The following MIA3 variants were observed in gnomAD, a reference collection of about 807,000 sequenced individuals.
The protein encoded by MIA3 is transport and Golgi organization protein 1 homolog.
Under a neutral mutation model 192.4 loss-of-function variants are expected in MIA3, and 90 were observed. The observed-to-expected ratio is 0.47, with a 90% confidence interval of 0.39 to 0.56. The LOEUF is 0.56. MIA3 is among the 20% of genes least tolerant of loss of function. The pLI, the probability that MIA3 is intolerant of heterozygous loss-of-function variation, is 0.00. For missense variants in MIA3, 2,123 were observed against 2,269.4 expected, an observed-to-expected ratio of 0.94 and a Z score of 1.31; for synonymous variants, 740 against 792.8, an observed-to-expected ratio of 0.93 and a Z score of 1.12.
chr1:222,667,266 G>T lies in MIA3; in HGVS notation c.*1647G>T, dbSNP rs1326843438. ...TATATGTCCTCCCGTTTAATATCAA[G>T]AATAGAAGAAATTAAGAGGAAAACT... On this transcript the variant is annotated 3_prime_UTR_variant, in exon 28 of 28. Transcript: ENST00000344922. The T allele has an allele frequency of 2.0e-5, 3 of 152,122 alleles. No individual in the cohort carries two copies. The highest frequency in any genetic ancestry group is 4.4e-5 in the Non-Finnish European group (3 of 68,000). 9.4% of individuals were successfully genotyped at this position (152,122 alleles called of 1,614,324 possible). A position where few individuals can be genotyped will look rare whatever the true frequency, so the allele number is the denominator to read the frequency against.
At chr1:222,621,989 T>A (rs1231627860) in intron 2 of MIA3, among the ~76,000 whole-genome samples, 1 of 152,136 alleles carries the variant, frequency 6.6e-6, no homozygotes, top group Non-Finnish European at 1.5e-5. Flanking sequence ...TGTATTTTTT[T>A]AGTAGAGACG....
At position 222,628,146 on chromosome 1, in the gene MIA3, C is replaced by T. The variant is rs1662206174; in HGVS notation, c.926C>T (p.Thr309Ile). ...GATGATTTTGATGAGGAATTGGATA[C>T]TGAGTATTATGCAGTTGGAAAGGAA... is the stretch of plus-strand genomic sequence containing the variant. ...LEDDFDEELD[T>I]EYYAVGKEDE... Residue 309 changes from threonine to isoleucine, a missense_variant, in exon 4 of 28, where the codon ACT becomes ATT. Transcript: ENST00000344922. The T allele has an allele frequency of 1.2e-6, 2 of 1,613,852 alleles. No homozygotes were observed. Among genetic ancestry groups the T allele is most frequent in the Non-Finnish European group, 1.7e-6 (2 of 1,179,988 alleles).
In MIA3 at chr1:222,667,357, G is replaced by T. The variant is rs552044345; in HGVS notation, c.*1738G>T. ...AGATTAAGTCACAAATACAACTTTT[G>T]AATTTACCTGTCAATATCTCTTTAG... On this transcript the variant is annotated 3_prime_UTR_variant, in exon 28 of 28. Transcript: ENST00000344922. The T allele has an allele frequency of 3.3e-5, 5 of 152,226 alleles. No homozygotes were observed. In the East Asian group the frequency reaches 9.6e-4, roughly 29 times the overall value. 9.4% of individuals were successfully genotyped at this position (152,226 alleles called of 1,614,324 possible).
intron 6 of MIA3, chr1:222,644,481 C>A (rs1422543608): frequency 2.6e-6 from 4 of 1,550,586 alleles, no homozygotes; most frequent in Non-Finnish European, 3.5e-6. Context: ...ACACAATGGA[C>A]TCAGTACCTG....
In MIA3 at chr1:222,662,131, G is replaced by C. The variant is rs1410767845; in HGVS notation, c.5182+7G>C. 6.2e-7 allele frequency: 1 copy of C among 1,613,688 alleles called. No individual in the cohort carries two copies. The highest frequency in any genetic ancestry group is 1.7e-5 in the Admixed American group (1 of 59,976). Reference sequence around the variant, plus strand: ...GGGAAACCCTCTCCTTCTGGTAAGGGAGCAAGAGTGTTCAAAGAGTCTAAA... The same window carrying C: ...GGGAAACCCTCTCCTTCTGGTAAGGCAGCAAGAGTGTTCAAAGAGTCTAAA... On this transcript the variant is annotated splice_region_variant and intron_variant, in intron 25 of 27. Coordinates refer to ENST00000344922, the MANE Select transcript of MIA3 (RefSeq NM_198551.4).
rs1233689303 is a variant in MIA3 at position 222,628,714 on chromosome 1, T to A, written c.1494T>A (p.Ser498=). The change falls in exon 4 of 28, where the codon TCT becomes TCA. Residue 498 remains serine, a synonymous_variant. Transcript: ENST00000344922. ...ENQEGMTVHS[S]VHSNNLNSMP... is the part of the protein sequence containing the mutation. Reference sequence around the variant, plus strand: ...AAGAAGGCATGACTGTGCACAGTTCTGTTCACAGCAATAACCTCAACTCTA... The same window carrying A: ...AAGAAGGCATGACTGTGCACAGTTCAGTTCACAGCAATAACCTCAACTCTA... 1 of 1,614,142 alleles carries A rather than the reference T, an allele frequency of 6.2e-7. No homozygotes were observed. Among genetic ancestry groups the A allele is most frequent in the East Asian group, 2.2e-5 (1 of 44,880 alleles).
intron 7 of MIA3, 110 bp from the exon 8 acceptor site, chr1:222,648,719 A>C: frequency 1.4e-6 from 1 of 724,040 alleles, no homozygotes; most frequent in Non-Finnish European, 2.4e-6. Flanking sequence ...GCTAAACCAA[A>C]GTTTTATTAA....
intron 7 of MIA3, chr1:222,647,839 T>C (rs1663224978): frequency 6.0e-6 from 2 of 334,684 alleles, no homozygotes; most frequent in African/African-American, 4.3e-5. Flanking sequence ...TCTTTCCATG[T>C]TGGAATTTTC....
chr1:222,636,775 G>A (rs944771699), intron 6 of MIA3, among the ~76,000 whole-genome samples: 2 of 152,118 alleles, frequency 1.3e-5, no homozygotes, highest in Admixed American at 1.3e-4. Context: ...GCCTTCCAAA[G>A]TGCTGGGATT....
chr1:222,637,970 C>T lies in MIA3; in HGVS notation c.3477+4721C>T, dbSNP rs547428215. On this transcript the variant is annotated intron_variant, in intron 6 of 27. Transcript: ENST00000344922. ...GTGTTGGGATTACAGACATGAGCCA[C>T]CATGCCTGGCCAGTTATTCTTATTG... is the stretch of plus-strand genomic sequence containing the variant. 3.7e-3 allele frequency among the ~76,000 whole-genome samples: 562 copies of T among 152,186 alleles called. 3 individuals carry two copies. The highest frequency in any genetic ancestry group is 6.8e-3 in the Middle Eastern group (2 of 294).
At chr1:222,624,518 C>G (rs1233084518) in intron 2 of MIA3, among the ~76,000 whole-genome samples, 1 of 152,132 alleles carries the variant, frequency 6.6e-6, no homozygotes, top group East Asian at 1.9e-4. Context: ...AAAAAGTGAT[C>G]TCTTGTGGTT....
Position 222,618,119 on chromosome 1 carries a change from G to C in MIA3, c.9G>C (p.Ala3=), listed in dbSNP as rs545499200. ...CCCGAGGTGACCACAACATGGCTGC[G>C]GCGCCTGGGCTGCTCGTCTGGCTGC... MA[A]APGLLVWLLV... Residue 3 remains alanine (A), a synonymous_variant, in exon 1 of 28, where the codon GCG becomes GCC. Transcript: ENST00000344922. 2 of 1,487,664 alleles carry C rather than the reference G, an allele frequency of 1.3e-6. No homozygotes were observed. The highest frequency in any genetic ancestry group is 2.5e-5 in the South Asian group (2 of 80,400). 92.2% of individuals were successfully genotyped at this position (1,487,664 alleles called of 1,614,324 possible). A position where few individuals can be genotyped will look rare whatever the true frequency, so the allele number is the denominator to read the frequency against.
At chr1:222,625,004 G>A (rs1052709807) in intron 3 of MIA3, 150 bp downstream of exon 3, 13 of 490,382 alleles carry the variant, frequency 2.7e-5, no homozygotes, top group African/African-American at 8.0e-5. Flanking sequence ...TCTTATATAA[G>A]GCTATGTACT....
At chr1:222,648,771 A>G in intron 7 of MIA3, 58 bp from the exon 8 acceptor site, 3 of 962,594 alleles carry the variant, frequency 3.1e-6, no homozygotes, top group Non-Finnish European at 5.0e-6. Flanking sequence ...ATTAGAAACT[A>G]TATACATCTA....
intron 3 of MIA3, among the ~76,000 whole-genome samples, chr1:222,625,901 C>G (rs1002285799): frequency 6.6e-6 from 1 of 152,038 alleles, no homozygotes; most frequent in Admixed American, 6.5e-5. Context: ...CACACCCAGC[C>G]AATTTTTTTG....
Position 222,662,265 on chromosome 1 carries a change from G to T in MIA3, c.5195G>T (p.Gly1732Val), listed in dbSNP as rs753085182. ...TGGTCTTTAACAGATCCAGGATCTG[G>T]TACAGCTACCATGATGAACAGCAGC... is the stretch of plus-strand genomic sequence containing the variant. ...GKPSPSDPGS[G>V]TATMMNSSSR... is the part of the protein sequence containing the mutation. Residue 1732 changes from glycine (G) to valine (V), a missense_variant, in exon 26 of 28, where the codon GGT becomes GTT. Transcript: ENST00000344922. The T allele has an allele frequency of 6.2e-7, 1 of 1,613,482 alleles. No individual in the cohort carries two copies. Among genetic ancestry groups the T allele is most frequent in the Non-Finnish European group, 8.5e-7 (1 of 1,179,492 alleles).
chr1:222,659,472 G>C lies in MIA3; in HGVS notation c.4729G>C (p.Glu1577Gln). 2 of 1,613,942 alleles carry C rather than the reference G, an allele frequency of 1.2e-6. No homozygotes were observed. The highest frequency in any genetic ancestry group is 1.7e-6 in the Non-Finnish European group (2 of 1,179,876). The change falls in exon 20 of 28, where the codon GAG becomes CAG. Residue 1577 changes from glutamate (E) to glutamine (Q), a missense_variant. Glu to Gln is a conservative substitution (Grantham distance 29). Transcript: ENST00000344922. ...KTYKRRIEEM[E>Q]DELQKTERSF... is the part of the protein sequence containing the mutation. Reference sequence around the variant, plus strand: ...TCTTAGGCGGAGAATTGAAGAAATGGAGGATGAATTACAGAAGACAGAGCG... The same window carrying C: ...TCTTAGGCGGAGAATTGAAGAAATGCAGGATGAATTACAGAAGACAGAGCG...
chr1:222,627,490 G>A lies in MIA3; in HGVS notation c.355-85G>A, dbSNP rs189192737. 2.3e-4 allele frequency: 277 copies of A among 1,188,906 alleles called. 4 individuals carry two copies. In the South Asian group the frequency reaches 3.3e-3, roughly 14 times the overall value. 73.6% of individuals were successfully genotyped at this position (1,188,906 alleles called of 1,614,324 possible). On this transcript the variant is annotated intron_variant, in intron 3 of 27. Transcript: ENST00000344922. ...CCTCTAGAGCCAAACGTGAATTCGA[G>A]ATTATCTCAATCATTAACGTGGATA...
At chr1:222,651,571 A>G (rs1385903476) in intron 11 of MIA3, among the ~76,000 whole-genome samples, 2 of 151,844 alleles carry the variant, frequency 1.3e-5, no homozygotes, top group Admixed American at 6.6e-5. Flanking sequence ...GGCAAGAGCA[A>G]TTGGTGTTTG....
Sources: gnomAD v4.1 joint callset for allele counts (sites outside exome capture counted in the v4.1 genomes callset) on GRCh38, gnomAD v4.1.1 for gene constraint, MANE v1.5 for transcripts, NCBI Gene and HGNC (gene_info 2026-07-23, HGNC 2026-07-21) for gene names.